The following ST8SIA1 variants were observed in gnomAD, a reference collection of about 807,000 sequenced individuals.
ST8SIA1 encodes alpha-N-acetylneuraminide alpha-2,8-sialyltransferase.
ST8SIA1 carries 16 observed loss-of-function variants against 35.9 expected under a neutral mutation model. The ratio of observed to expected loss-of-function variants is 0.45; its 90% CI spans 0.30 to 0.68. The LOEUF (loss-of-function observed/expected upper bound fraction) is 0.68, where lower values mean the gene tolerates loss of function less well. ST8SIA1 is among the 30% of genes least tolerant of loss of function. The pLI, the probability that ST8SIA1 is intolerant of heterozygous loss-of-function variation, is 0.09. For missense variants in ST8SIA1, 383 were observed against 453.6 expected (o/e 0.84, Z 1.41); for synonymous variants, 170 against 169.6 (o/e 1.00, Z -0.02).
intron 4 of ST8SIA1, among the ~76,000 whole-genome samples, chr12:22,245,987 C>A (rs1475025032): frequency 6.6e-6 from 1 of 152,192 alleles, no homozygotes; most frequent in African/African-American, 2.4e-5. Flanking sequence ...CCTCATCCTA[C>A]ACACTCCTTC....
rs186563795 is a variant in ST8SIA1, at chr12:22,293,609, C to T, written c.237-6316G>A. On this transcript the variant is annotated intron_variant, in intron 1 of 4. Transcript: ENST00000396037. ...ATGTTCCCAAGCCTCTATTAGAGGA[C>T]GGTTTTGAAATTGAGGTAAAAGATA... 2.1e-4 allele frequency among the ~76,000 whole-genome samples: 32 copies of T among 152,240 alleles called. 1 individual carries two copies. Among genetic ancestry groups the T allele is most frequent in the Admixed American group, 6.5e-4 (10 of 15,280 alleles).
chr12:22,311,494 TTG>T (rs1427889169), intron 1 of ST8SIA1, among the ~76,000 whole-genome samples: 1 of 152,164 alleles, frequency 6.6e-6, no homozygotes, highest in Non-Finnish European at 1.5e-5. Context: ...ATTTCTTCAA[TTG>T]TCTCTGGCAA....
In ST8SIA1 at chr12:22,290,377, A is replaced by G. The variant is rs77427335; in HGVS notation, c.237-3084T>C. On this transcript the variant is annotated intron_variant, in intron 1 of 4. Transcript: ENST00000396037. Reference sequence around the variant, plus strand: ...CAAAAACAGGAATAGTACTAGTACTATAGTACTACCAGCTGCAGTACTAAT... The same window carrying G: ...CAAAAACAGGAATAGTACTAGTACTGTAGTACTACCAGCTGCAGTACTAAT... Among the ~76,000 whole-genome samples the G allele has an allele frequency of 3.3e-3, 507 of 152,332 alleles. 2 individuals carry two copies. Among genetic ancestry groups the G allele is most frequent in the African/African-American group, 0.011 (459 of 41,566 alleles).
At chr12:22,329,351 GA>G (rs770651801) in intron 1 of ST8SIA1, among the ~76,000 whole-genome samples, 7 of 150,106 alleles carry the variant, frequency 4.7e-5, no homozygotes, top group African/African-American at 7.3e-5. Flanking sequence ...TTGCTTTGGG[GA>G]AAAAAAAACA....
At chr12:22,278,888 C>T (rs1354980155) in intron 2 of ST8SIA1, among the ~76,000 whole-genome samples, 5 of 152,160 alleles carry the variant, frequency 3.3e-5, no homozygotes, top group African/African-American at 1.2e-4. Context: ...GATGTTGACC[C>T]ATGCCCATCT....
At chr12:22,250,226 T>C (rs2120753522) in intron 3 of ST8SIA1, among the ~76,000 whole-genome samples, 1 of 152,348 alleles carries the variant, frequency 6.6e-6, no homozygotes, top group Non-Finnish European at 1.5e-5. Flanking sequence ...TGTGGAACAT[T>C]AGGCAAGTTA....
chr12:22,249,091 G>C lies in ST8SIA1; in HGVS notation c.499C>G (p.Leu167Val). Residue 167 changes from leucine (L) to valine (V), a missense_variant, in exon 4 of 5, where the codon CTC becomes GTC. Physicochemically the swap from Leu to Val is conservative, Grantham distance 32. Transcript: ENST00000396037. Reference sequence around the variant, plus strand: ...GTGTATTCACTTGACAAAGGAGGGAGATTGCATCTAGAGAAACAAGAACAA... The same window carrying C: ...GTGTATTCACTTGACAAAGGAGGGACATTGCATCTAGAGAAACAAGAACAA... The part of the protein sequence containing the change: ...DEANFVMRCN[L>V]PPLSSEYTKD... 6.2e-7 allele frequency: 1 copy of C among 1,610,536 alleles called. No individual in the cohort carries two copies. The highest frequency in any genetic ancestry group is 1.1e-5 in the South Asian group (1 of 90,896).
intron 2 of ST8SIA1, among the ~76,000 whole-genome samples, chr12:22,267,002 A>T (rs1865857212): frequency 6.6e-6 from 1 of 152,188 alleles, no homozygotes; most frequent in South Asian, 2.1e-4. Context: ...ACCATGAATA[A>T]AATCCAACTC....
chr12:22,201,391 C>G lies in ST8SIA1; in HGVS notation c.*161G>C, dbSNP rs1459727355. The stretch of plus-strand genomic sequence containing the variant: ...TTTCATTTCTTATTTGTCCTCCAAG[C>G]CAACGCTGAAAGTAAAGTTTTGCTT... On this transcript the variant is annotated 3_prime_UTR_variant, in exon 5 of 5. Coordinates refer to ENST00000396037, the MANE Select transcript of ST8SIA1 (RefSeq NM_003034.4). 1.9e-5 allele frequency: 18 copies of G among 960,398 alleles called. No homozygotes were observed. In the Admixed American group the frequency reaches 4.7e-4, roughly 25 times the overall value. The allele number at this position is 960,398 out of a possible 1,614,324, so 59.5% of individuals were successfully genotyped here.
chr12:22,326,040 T>C (rs755906577), intron 1 of ST8SIA1: 71 of 455,698 alleles, frequency 1.6e-4, no homozygotes, highest in Non-Finnish European at 2.5e-4. Flanking sequence ...AATTGTTTAT[T>C]TCTGGAATTT....
At chr12:22,255,528 C>T (rs1177920203) in intron 2 of ST8SIA1, 139 bp from the exon 3 acceptor site, 24 of 762,608 alleles carry the variant, frequency 3.1e-5, no homozygotes, top group Non-Finnish European at 2.2e-6. Context: ...AAGAAAGATG[C>T]CAAGAAGTTT....
chr12:22,246,654 GT>G (rs1032852078), intron 4 of ST8SIA1, among the ~76,000 whole-genome samples: 62 of 149,664 alleles, frequency 4.1e-4, no homozygotes, highest in Non-Finnish European at 5.5e-4. Flanking sequence ...AGCAGTTTGG[GT>G]TTTTTTTTTC....
intron 4 of ST8SIA1, among the ~76,000 whole-genome samples, chr12:22,214,719 T>C (rs1170017205): frequency 3.9e-5 from 6 of 152,156 alleles, no homozygotes; most frequent in Admixed American, 6.6e-5. Flanking sequence ...ACACTAGTAA[T>C]AATTTGAGAT....
At chr12:22,314,071 A>G (rs1866485627) in intron 1 of ST8SIA1, among the ~76,000 whole-genome samples, 1 of 152,142 alleles carries the variant, frequency 6.6e-6, no homozygotes, top group Admixed American at 6.6e-5. Context: ...GCAATTAAGG[A>G]TGTCAAGGAA....
intron 2 of ST8SIA1, among the ~76,000 whole-genome samples, chr12:22,270,112 TA>T (rs1323166159): frequency 6.6e-6 from 1 of 152,212 alleles, no homozygotes; most frequent in African/African-American, 2.4e-5. Context: ...CAAGGCAGTT[TA>T]AAGGGTTAAA....
intron 1 of ST8SIA1, among the ~76,000 whole-genome samples, chr12:22,312,263 A>C (rs755812204): frequency 7.2e-5 from 11 of 152,164 alleles, no homozygotes; most frequent in Non-Finnish European, 1.5e-4. Flanking sequence ...AAGTGAAGAA[A>C]ACCAAAAGAC....
intron 1 of ST8SIA1, among the ~76,000 whole-genome samples, chr12:22,330,277 G>A (rs1196535787): frequency 6.6e-6 from 1 of 152,118 alleles, no homozygotes; most frequent in Non-Finnish European, 1.5e-5. Context: ...CACTTCACTG[G>A]TGTTTCTATT....
At chr12:22,205,881 G>T (rs1245131767) in intron 4 of ST8SIA1, among the ~76,000 whole-genome samples, 1 of 151,970 alleles carries the variant, frequency 6.6e-6, no homozygotes, top group Non-Finnish European at 1.5e-5. Context: ...TTACCATGAA[G>T]AATAAGATAA....
chr12:22,319,446 C>A (rs1423231654), intron 1 of ST8SIA1, among the ~76,000 whole-genome samples: 3 of 152,214 alleles, frequency 2.0e-5, no homozygotes, highest in Non-Finnish European at 4.4e-5. Context: ...TAAACCTTGA[C>A]ACCTGATACA....
Sources: gnomAD v4.1 joint callset for allele counts (sites outside exome capture counted in the v4.1 genomes callset) on GRCh38, gnomAD v4.1.1 for gene constraint, MANE v1.5 for transcripts, NCBI Gene and HGNC (gene_info 2026-07-23, HGNC 2026-07-21) for gene names.